PDE10A: variants seen among roughly 807,000 people sequenced by gnomAD.
The protein encoded by PDE10A is phosphodiesterase 10A.
A neutral mutation model predicts 97.7 loss-of-function variants in PDE10A; 39 were observed. That is an observed-to-expected ratio of 0.40 (90% CI 0.31 to 0.52). The LOEUF is 0.52. Among genes scored for constraint, PDE10A ranks in the 20% least tolerant of loss-of-function variants. PDE10A has a pLI of 0.56. For synonymous variants in PDE10A, 371 were observed against 376.8 expected (o/e 0.98, Z 0.18); for missense variants, 731 against 1,047.8 (o/e 0.70, Z 4.17).
chr6:165,615,010 G>A (rs796225832), intron 1 of PDE10A, among the ~76,000 whole-genome samples: 3 of 152,136 alleles, frequency 2.0e-5, no homozygotes, highest in African/African-American at 7.2e-5. Flanking sequence ...AGGAGTTTGA[G>A]ACCAGCCTGG....
intron 1 of PDE10A, among the ~76,000 whole-genome samples, chr6:165,778,138 G>A (rs916677624): frequency 6.6e-6 from 1 of 151,818 alleles, no homozygotes; most frequent in East Asian, 1.9e-4. Context: ...GCAGTGGCAC[G>A]ATCTCAGTTC....
intron 1 of PDE10A, among the ~76,000 whole-genome samples, chr6:165,673,209 G>T (rs557938508): frequency 1.3e-5 from 2 of 152,272 alleles, no homozygotes; most frequent in East Asian, 1.9e-4. Context: ...AAGGAGAAAG[G>T]GATGTGCACT....
intron 17 of PDE10A, among the ~76,000 whole-genome samples, chr6:165,387,995 T>C (rs1003248147): frequency 6.6e-6 from 1 of 152,316 alleles, no homozygotes; most frequent in East Asian, 1.9e-4. Context: ...AATATGATAA[T>C]CTATATAATT....
intron 1 of PDE10A, among the ~76,000 whole-genome samples, chr6:165,706,554 A>G (rs750266353): frequency 6.6e-6 from 1 of 152,202 alleles, no homozygotes; most frequent in South Asian, 2.1e-4. Flanking sequence ...TAGCCTGCCA[A>G]TACTATCTTA....
At chr6:165,608,609 T>G (rs1787341762) in intron 1 of PDE10A, among the ~76,000 whole-genome samples, 1 of 152,140 alleles carries the variant, frequency 6.6e-6, no homozygotes, top group Non-Finnish European at 1.5e-5. Flanking sequence ...TGATTTATAA[T>G]CCTTTGGGTA....
At chr6:165,716,056 C>T (rs1434434797) in intron 1 of PDE10A, among the ~76,000 whole-genome samples, 1 of 152,166 alleles carries the variant, frequency 6.6e-6, no homozygotes, top group South Asian at 2.1e-4. Context: ...CGGAGCTGTT[C>T]TGAGAGAAAG....
chr6:165,641,975 T>C (rs2983518), intron 1 of PDE10A, among the ~76,000 whole-genome samples: 28,365 of 152,108 alleles, frequency 0.19, 2,907 homozygotes, highest in Middle Eastern at 0.35. Context: ...CTGGTAGGAA[T>C]CTGGTTTCCT....
At chr6:165,752,780 A>C (rs1371917776) in intron 1 of PDE10A, among the ~76,000 whole-genome samples, 1 of 152,188 alleles carries the variant, frequency 6.6e-6, no homozygotes, top group African/African-American at 2.4e-5. Flanking sequence ...CTTAGATTAG[A>C]ATCCCTAAGG....
chr6:165,369,480 C>T (rs1463512765), intron 18 of PDE10A, among the ~76,000 whole-genome samples: 5 of 145,834 alleles, frequency 3.4e-5, no homozygotes, highest in African/African-American at 1.0e-4. Context: ...AGGGTATCAG[C>T]AATGGAAGAT....
chr6:165,761,994 C>T (rs1379385101), intron 1 of PDE10A, among the ~76,000 whole-genome samples: 1 of 152,168 alleles, frequency 6.6e-6, no homozygotes, highest in Non-Finnish European at 1.5e-5. Context: ...CTCTCCCTGT[C>T]TTAAAACTCA....
chr6:165,738,308 C>T (rs1021946687), intron 1 of PDE10A, among the ~76,000 whole-genome samples: 1 of 151,780 alleles, frequency 6.6e-6, no homozygotes, highest in Non-Finnish European at 1.5e-5. Context: ...TGATGATTTC[C>T]AATTTCATCC....
At chr6:165,563,264 A>G (rs140452118) in intron 1 of PDE10A, among the ~76,000 whole-genome samples, 7,271 of 148,338 alleles carry the variant, frequency 0.049, 209 homozygotes, top group Admixed American at 0.1. Context: ...GGGAGGGAGG[A>G]AGGAGGGAAG....
At chr6:165,984,198 A>T (rs1378361271) in intron 1 of PDE10A, among the ~76,000 whole-genome samples, 1 of 152,228 alleles carries the variant, frequency 6.6e-6, no homozygotes, top group African/African-American at 2.4e-5. Flanking sequence ...TTTTGAAATT[A>T]TGATAATCTC....
chr6:165,593,460 T>C (rs1172703120), intron 1 of PDE10A, among the ~76,000 whole-genome samples: 1 of 151,878 alleles, frequency 6.6e-6, no homozygotes, highest in Non-Finnish European at 1.5e-5. Flanking sequence ...AAAAAAAAAG[T>C]TCAAAATGTC....
At chr6:165,339,072 T>C (rs1490718416) in intron 20 of PDE10A, among the ~76,000 whole-genome samples, 2 of 152,238 alleles carry the variant, frequency 1.3e-5, no homozygotes, top group African/African-American at 4.8e-5. Context: ...AGTAGATGAT[T>C]ATTCAGGGTA....
intron 1 of PDE10A, among the ~76,000 whole-genome samples, chr6:165,596,123 A>G (rs942239690): frequency 1.5e-5 from 2 of 134,000 alleles, no homozygotes; most frequent in African/African-American, 3.4e-5. Context: ...TTCTTCCTAA[A>G]CCTGATGATC....
At chr6:165,632,079 A>C (rs1328512901) in intron 1 of PDE10A, among the ~76,000 whole-genome samples, 2 of 151,250 alleles carry the variant, frequency 1.3e-5, no homozygotes, top group African/African-American at 4.9e-5. Flanking sequence ...ACATGCCTGT[A>C]ATTTCAGCTA....
chr6:165,769,120 C>G (rs1777939187), intron 1 of PDE10A, among the ~76,000 whole-genome samples: 1 of 152,194 alleles, frequency 6.6e-6, no homozygotes, highest in Non-Finnish European at 1.5e-5. Flanking sequence ...TAGACCAACA[C>G]TGTCCATTAG....
At chr6:165,773,936 C>T (rs1349039374) in intron 1 of PDE10A, among the ~76,000 whole-genome samples, 1 of 148,288 alleles carries the variant, frequency 6.7e-6, no homozygotes, top group Non-Finnish European at 1.5e-5. Flanking sequence ...AGTATTTCAA[C>T]TTTTTTTTTT....
Sources: allele counts gnomAD v4.1 joint callset (sites outside exome capture counted in the v4.1 genomes callset), GRCh38; gene constraint gnomAD v4.1.1; transcripts MANE v1.5; gene names NCBI Gene and HGNC (gene_info 2026-07-23, HGNC 2026-07-21).